ERC2: variants seen among roughly 807,000 people sequenced by gnomAD.
ERC2 encodes ERC protein 2.
In ERC2, 42 loss-of-function variants were observed where a neutral mutation model predicts 114.8. That is an observed-to-expected ratio of 0.37 (90% CI 0.29 to 0.47). The LOEUF (loss-of-function observed/expected upper bound fraction) is 0.47. Among genes scored for constraint, ERC2 ranks in the 20% least tolerant of loss-of-function variants. ERC2 has a pLI of 0.99. For synonymous variants in ERC2, 454 were observed against 425.5 expected (o/e 1.07, Z -0.82); for missense variants, 939 against 1,150.7 (o/e 0.82, Z 2.66).
chr3:56,128,031 G>A (rs1385718061), intron 6 of ERC2, among the ~76,000 whole-genome samples: 1 of 151,870 alleles, frequency 6.6e-6, no homozygotes, highest in South Asian at 2.1e-4. Context: ...AGCTGAGATC[G>A]CCTGCACTCC....
At chr3:55,674,029 CAATGGGCAACAGTGTA>C (rs1178875509) in intron 17 of ERC2, among the ~76,000 whole-genome samples, 1 of 152,108 alleles carries the variant, frequency 6.6e-6, no homozygotes, top group Non-Finnish European at 1.5e-5. Flanking sequence ...AGAACAAACC[CAATGGGCAACAGTGTA>C]CTCTTCCCAG....
intron 13 of ERC2, among the ~76,000 whole-genome samples, chr3:55,904,219 A>C (rs1360670949): frequency 6.6e-6 from 1 of 152,148 alleles, no homozygotes; most frequent in Admixed American, 6.5e-5. Flanking sequence ...ATCCAAAATC[A>C]TTTCTTTAAA....
intron 12 of ERC2, among the ~76,000 whole-genome samples, chr3:55,978,828 A>G (rs946667553): frequency 3.9e-5 from 6 of 152,212 alleles, no homozygotes; most frequent in African/African-American, 1.4e-4. Context: ...GTCTTGAATA[A>G]CTTGGACTGT....
intron 3 of ERC2, among the ~76,000 whole-genome samples, chr3:56,259,521 AGTGACTGGGGACACAACAGG>A (rs2052764955): frequency 6.6e-6 from 1 of 152,114 alleles, no homozygotes; most frequent in Non-Finnish European, 1.5e-5. Context: ...ATTATATCAG[AGTGACTGGGGACACAACAGG>A]TATGGGGGAG....
chr3:55,721,006 A>G (rs1213403335), intron 15 of ERC2, among the ~76,000 whole-genome samples: 1 of 152,250 alleles, frequency 6.6e-6, no homozygotes. Flanking sequence ...CCTGCTCAGC[A>G]TCATACAACT....
At chr3:56,065,596 A>G (rs1257092128) in intron 7 of ERC2, among the ~76,000 whole-genome samples, 1 of 151,876 alleles carries the variant, frequency 6.6e-6, no homozygotes, top group Non-Finnish European at 1.5e-5. Flanking sequence ...TGCATAGGTT[A>G]ATGTGTGCCA....
At chr3:55,798,252 C>T (rs1489335883) in intron 14 of ERC2, among the ~76,000 whole-genome samples, 1 of 152,110 alleles carries the variant, frequency 6.6e-6, no homozygotes, top group African/African-American at 2.4e-5. Context: ...AATACCAATA[C>T]ATTGCAGTAA....
chr3:55,833,082 A>C (rs1175340003), intron 14 of ERC2, among the ~76,000 whole-genome samples: 2 of 149,456 alleles, frequency 1.3e-5, no homozygotes, highest in Non-Finnish European at 2.9e-5. Flanking sequence ...AGAAATGAAC[A>C]AAGCCTCCAA....
chr3:55,635,828 C>T (rs142516849), intron 17 of ERC2, among the ~76,000 whole-genome samples: 8 of 152,262 alleles, frequency 5.3e-5, no homozygotes, highest in South Asian at 2.1e-4. Flanking sequence ...AAATAGCAAT[C>T]GTTCCCATCA....
chr3:56,193,556 CGTGA>C (rs1037063302), intron 3 of ERC2, among the ~76,000 whole-genome samples: 19 of 151,954 alleles, frequency 1.3e-4, no homozygotes, highest in Non-Finnish European at 2.2e-4. Flanking sequence ...TAGGCAAGAT[CGTGA>C]GTAATTTTCA....
intron 14 of ERC2, among the ~76,000 whole-genome samples, chr3:55,780,393 G>A (rs1476684061): frequency 1.3e-5 from 2 of 152,070 alleles, no homozygotes; most frequent in Non-Finnish European, 2.9e-5. Flanking sequence ...TAAGCTCTAC[G>A]TCAACCTGCA....
At chr3:55,716,931 T>TACTG (rs2148873361) in intron 15 of ERC2, among the ~76,000 whole-genome samples, 2 of 152,332 alleles carry the variant, frequency 1.3e-5, no homozygotes, top group East Asian at 3.9e-4. Context: ...ATTTAGGGGT[T>TACTG]ACTGACTCAT....
intron 7 of ERC2, among the ~76,000 whole-genome samples, chr3:56,029,073 A>C (rs1228599801): frequency 2.6e-5 from 4 of 151,954 alleles, no homozygotes; most frequent in African/African-American, 7.2e-5. Context: ...TTTCATCTGT[A>C]TCCTGTTTAT....
chr3:55,715,484 G>A (rs1400882985), intron 15 of ERC2, among the ~76,000 whole-genome samples: 1 of 152,096 alleles, frequency 6.6e-6, no homozygotes, highest in African/African-American at 2.4e-5. Context: ...CACTGAACTT[G>A]GTAATTATAT....
At chr3:56,081,904 T>C (rs959199052) in intron 6 of ERC2, among the ~76,000 whole-genome samples, 1 of 152,234 alleles carries the variant, frequency 6.6e-6, no homozygotes, top group African/African-American at 2.4e-5. Flanking sequence ...ACCATGTTTA[T>C]AAATGTACAC....
chr3:56,200,129 T>G (rs1427192469), intron 3 of ERC2, among the ~76,000 whole-genome samples: 1 of 152,098 alleles, frequency 6.6e-6, no homozygotes, highest in East Asian at 1.9e-4. Context: ...ACTATAATAT[T>G]TATACATCAC....
intron 17 of ERC2, among the ~76,000 whole-genome samples, chr3:55,577,112 CA>C (rs2057024752): frequency 6.6e-6 from 1 of 152,234 alleles, no homozygotes; most frequent in South Asian, 2.1e-4. Context: ...TTTTCTTTCA[CA>C]ACTGATTTTT....
intron 2 of ERC2, among the ~76,000 whole-genome samples, chr3:56,347,242 G>C (rs1325206643): frequency 6.6e-6 from 1 of 152,114 alleles, no homozygotes; most frequent in Non-Finnish European, 1.5e-5. Flanking sequence ...AAATACCATG[G>C]TAGTCGAAAC....
chr3:56,337,128 T>C (rs958915619), intron 2 of ERC2, among the ~76,000 whole-genome samples: 6 of 152,188 alleles, frequency 3.9e-5, no homozygotes, highest in Admixed American at 2.6e-4. Flanking sequence ...GCCCTAGTGA[T>C]GTACTTACCA....
Sources: allele counts gnomAD v4.1 joint callset (sites outside exome capture counted in the v4.1 genomes callset), GRCh38; gene constraint gnomAD v4.1.1; transcripts MANE v1.5; gene names NCBI Gene and HGNC (gene_info 2026-07-23, HGNC 2026-07-21).